Variants in KLHL40 observed in about 807,000 individuals in gnomAD.
The protein encoded by KLHL40 is kelch like family member 40.
A neutral mutation model predicts 49.7 loss-of-function variants in KLHL40; 44 were observed. The ratio of observed to expected loss-of-function variants is 0.89; its 90% CI spans 0.70 to 1.14. The LOEUF (loss-of-function observed/expected upper bound fraction) is 1.14, where lower values mean the gene tolerates loss of function less well. KLHL40 is among the 50% of genes most tolerant of loss of function. The probability of loss-of-function intolerance (pLI) is 0.00; values close to 1 mark genes in which losing one functional copy is unlikely to be tolerated. For synonymous variants in KLHL40, 409 were observed against 365.2 expected (o/e 1.12, Z -1.37); for missense variants, 892 against 850.3 (o/e 1.05, Z -0.61).
chr3:42,692,135 C>G lies in KLHL40; in HGVS notation c.*142C>G. The G allele has an allele frequency of 1.6e-6, 1 of 630,662 alleles. No homozygotes were observed. The highest frequency in any genetic ancestry group is 1.9e-5 in the South Asian group (1 of 53,402). 39.1% of individuals were successfully genotyped at this position (630,662 alleles called of 1,614,324 possible). Reference sequence around the variant, plus strand: ...ATGGTGCCTCAGGGGCTGCGTCAGCCAAGGAAAGGGAAGTGCTGCTTAGTC... The same window carrying G: ...ATGGTGCCTCAGGGGCTGCGTCAGCGAAGGAAAGGGAAGTGCTGCTTAGTC... On this transcript the variant is annotated 3_prime_UTR_variant, in exon 6 of 6. Transcript: ENST00000287777.
chr3:42,688,226 T>A lies in KLHL40; in HGVS notation c.1237T>A (p.Ser413Thr). The change falls in exon 2 of 6, where the codon TCC (serine) becomes ACC (threonine). Residue 413 changes from serine (S) to threonine (T), a missense_variant. Transcript: ENST00000287777. The surrounding 1 kb of genome is among the most constrained non-coding windows in gnomAD (Gnocchi z 4.2). ...CTTTGGCCTGGGAGAAGCTCTCAACTCCATCTACGTGGTCGGTGGCAGAGA... is the reference window on the plus strand; with the variant it reads ...CTTTGGCCTGGGAGAAGCTCTCAACACCATCTACGTGGTCGGTGGCAGAGA... ...CLFGLGEALN[S>T]IYVVGGREIK... 6.2e-7 allele frequency: 1 copy of A among 1,613,920 alleles called. No individual in the cohort carries two copies. Among genetic ancestry groups the A allele is most frequent in the East Asian group, 2.2e-5 (1 of 44,850 alleles).
rs764839928 is a variant in KLHL40, at chr3:42,685,843, G to A, written c.225G>A (p.Glu75=). The A allele has an allele frequency of 4.3e-6, 7 of 1,613,234 alleles. No homozygotes were observed. Among genetic ancestry groups the A allele is most frequent in the Non-Finnish European group, 5.9e-6 (7 of 1,179,954 alleles). The change falls in exon 1 of 6, where the codon GAG becomes GAA. Residue 75 remains glutamate (E), a synonymous_variant. Transcript: ENST00000287777. ...AGCGCGCGGGCGAGCTGCACCTGGAGGAGGTGTCCCCGGACGTGGTGGCCC... is the reference window on the plus strand; with the variant it reads ...AGCGCGCGGGCGAGCTGCACCTGGAAGAGGTGTCCCCGGACGTGGTGGCCC... ...EPERAGELHL[E]EVSPDVVAQV...
In KLHL40 at chr3:42,686,204, G is replaced by A. The variant is rs1178836413; in HGVS notation, c.586G>A (p.Glu196Lys). Reference protein sequence around the residue: ...LNVEKEEAVFEAVMRWAGSGD... With the variant: ...LNVEKEEAVFKAVMRWAGSGD... ...CGTGGAGAAGGAGGAGGCAGTGTTC[G>A]AGGCGGTGATGCGGTGGGCGGGTAG... The change falls in exon 1 of 6, where the codon GAG becomes AAG. Residue 196 changes from glutamate to lysine, a missense_variant. Coordinates refer to ENST00000287777, the MANE Select transcript of KLHL40 (RefSeq NM_152393.4). The A allele has an allele frequency of 3.1e-5, 48 of 1,570,914 alleles. No individual in the cohort carries two copies. Among genetic ancestry groups the A allele is most frequent in the Non-Finnish European group, 4.0e-5 (47 of 1,161,928 alleles).
chr3:42,689,056 T>C lies in KLHL40; in HGVS notation c.1607+2T>C. 6.2e-7 allele frequency: 1 copy of C among 1,606,044 alleles called. No homozygotes were observed. The highest frequency in any genetic ancestry group is 8.5e-7 in the Non-Finnish European group (1 of 1,173,958). On this transcript the variant is annotated splice_donor_variant, in intron 4 of 5. Coordinates refer to ENST00000287777, the MANE Select transcript of KLHL40 (RefSeq NM_152393.4). LOFTEE classifies it high-confidence loss of function. ...AGTGTACAGCATCACAGACAACAAGTATGAAAGCTTGTCCCTTCCGCCAAG... is the reference window on the plus strand; with the variant it reads ...AGTGTACAGCATCACAGACAACAAGCATGAAAGCTTGTCCCTTCCGCCAAG...
In KLHL40 at chr3:42,689,004, C is replaced by T. The variant is rs1314573843; in HGVS notation, c.1557C>T (p.Thr519=). The change falls in exon 4 of 6, where the codon ACC becomes ACT. Residue 519 remains threonine (T), a synonymous_variant. Transcript: ENST00000287777. ...GCATTATCGTGGCAGCTGGGGTCAC[C>T]GACACAGGGCTGACCAGTTCTGCCG... ...DGRIIVAAGV[T]DTGLTSSAEV... 15 of 1,614,020 alleles carry T rather than the reference C, an allele frequency of 9.3e-6. No individual in the cohort carries two copies. The highest frequency in any genetic ancestry group is 1.6e-4 in the Middle Eastern group (1 of 6,084).
In KLHL40 at chr3:42,685,752, C is replaced by G. The variant is rs1482725995; in HGVS notation, c.134C>G (p.Pro45Arg). 5.6e-6 allele frequency: 9 copies of G among 1,612,490 alleles called. No homozygotes were observed. Among genetic ancestry groups the G allele is most frequent in the Non-Finnish European group, 6.8e-6 (8 of 1,179,670 alleles). Residue 45 changes from proline to arginine, a missense_variant, in exon 1 of 6, where the codon CCG (proline) becomes CGG (arginine). Coordinates refer to ENST00000287777, the MANE Select transcript of KLHL40 (RefSeq NM_152393.4). ...CVVRAGEREF[P>R]CHRLVLAACS... Reference sequence around the variant, plus strand: ...GTGCGGGCGGGCGAGCGCGAGTTCCCGTGCCATCGCCTGGTGCTGGCCGCC... The same window carrying G: ...GTGCGGGCGGGCGAGCGCGAGTTCCGGTGCCATCGCCTGGTGCTGGCCGCC...
intron 5 of KLHL40, 44 bp from the exon 6 acceptor site, chr3:42,691,838 T>C: frequency 7.7e-7 from 1 of 1,301,840 alleles, no homozygotes; most frequent in South Asian, 1.2e-5. Flanking sequence ...TGGACTCAGC[T>C]GACCAAGCTC....
chr3:42,690,910 C>A lies in KLHL40; in HGVS notation c.1659C>A (p.Val553=), dbSNP rs1181456219. 1 of 1,613,728 alleles carries A rather than the reference C, an allele frequency of 6.2e-7. No homozygotes were observed. The highest frequency in any genetic ancestry group is 1.1e-5 in the South Asian group (1 of 91,054). Residue 553 remains valine, a synonymous_variant, in exon 5 of 6, where the codon GTC becomes GTA. Transcript: ENST00000287777. ...AGGAGCGTAGCTCACTCAGCCTGGT[C>A]AGCCTGGTGGGTACCCTCTATGCCA... is the stretch of plus-strand genomic sequence containing the variant. ...FPQERSSLSL[V]SLVGTLYAIG...
In KLHL40 at chr3:42,692,153, G is replaced by T; in HGVS notation, c.*160G>T. 1.6e-6 allele frequency: 1 copy of T among 610,134 alleles called. No individual in the cohort carries two copies. The highest frequency in any genetic ancestry group is 2.0e-5 in the South Asian group (1 of 51,156). The allele number at this position is 610,134 out of a possible 1,614,324, so 37.8% of individuals were successfully genotyped here. ...CGTCAGCCAAGGAAAGGGAAGTGCT[G>T]CTTAGTCCTGGACTTTTGGGCAAGG... On this transcript the variant is annotated 3_prime_UTR_variant, in exon 6 of 6. Coordinates refer to ENST00000287777, the MANE Select transcript of KLHL40 (RefSeq NM_152393.4).
At chr3:42,690,516 T>G (rs1167480296) in intron 4 of KLHL40, among the ~76,000 whole-genome samples, 1 of 151,984 alleles carries the variant, frequency 6.6e-6, no homozygotes, top group East Asian at 1.9e-4. Context: ...GCAAAAGGAC[T>G]GCGTCCAGGG....
Position 42,685,793 on chromosome 3 carries a change from C to A in KLHL40, c.175C>A (p.Arg59=). ...LVLAACSPYF[R]ARFLAEPERA... is the part of the protein sequence containing the mutation. Reference sequence around the variant, plus strand: ...GCTGGCCGCCTGCAGCCCCTACTTCCGGGCGCGCTTTCTAGCCGAGCCGGA... The same window carrying A: ...GCTGGCCGCCTGCAGCCCCTACTTCAGGGCGCGCTTTCTAGCCGAGCCGGA... Residue 59 remains arginine (R), a synonymous_variant, in exon 1 of 6, where the codon CGG becomes AGG. Transcript: ENST00000287777. 6.2e-7 allele frequency: 1 copy of A among 1,612,344 alleles called. No individual in the cohort carries two copies. The highest frequency in any genetic ancestry group is 8.5e-7 in the Non-Finnish European group (1 of 1,179,586).
rs907216548 is a variant in KLHL40, at chr3:42,685,743, G to A, written c.125G>A (p.Arg42His). The change falls in exon 1 of 6, where the codon CGC (arginine) becomes CAC (histidine). Residue 42 changes from arginine (R) to histidine (H), a missense_variant. Physicochemically the swap from Arg to His is conservative, Grantham distance 29. Coordinates refer to ENST00000287777, the MANE Select transcript of KLHL40 (RefSeq NM_152393.4). ...FLDCVVRAGE[R>H]EFPCHRLVLA... ...GACTGTGTGGTGCGGGCGGGCGAGC[G>A]CGAGTTCCCGTGCCATCGCCTGGTG... 8.7e-6 allele frequency: 14 copies of A among 1,612,668 alleles called. No individual in the cohort carries two copies. The African/African-American group carries it at 1.6e-4, about 18-fold the overall frequency.
rs1418801117 is a variant in KLHL40, at chr3:42,688,730, C to T, written c.1421+13C>T. 2 of 1,605,720 alleles carry T rather than the reference C, an allele frequency of 1.2e-6. No individual in the cohort carries two copies. The highest frequency in any genetic ancestry group is 2.7e-5 in the African/African-American group (2 of 74,716). On this transcript the variant is annotated intron_variant, in intron 3 of 5. Coordinates refer to ENST00000287777, the MANE Select transcript of KLHL40 (RefSeq NM_152393.4). The surrounding 1 kb of genome is among the most constrained non-coding windows in gnomAD (Gnocchi z 4.2). ...AAGGCAGTGACAGGTGAGGCTGGGCCTGGAGTGAGTCTGTGGAGCAGAGGT... is the reference window on the plus strand; with the variant it reads ...AAGGCAGTGACAGGTGAGGCTGGGCTTGGAGTGAGTCTGTGGAGCAGAGGT...
At position 42,686,705 on chromosome 3, in the gene KLHL40, G is replaced by C. The variant is rs368731768; in HGVS notation, c.1087G>C (p.Val363Leu). ...GGTTACCAAGGAGAACCAGGTCTTC[G>C]TGGCTGGAGGCCTCTTCTACAACGA... is the stretch of plus-strand genomic sequence containing the variant. ...SLVTKENQVFVAGGLFYNEDN... is the reference protein window; with the variant it reads ...SLVTKENQVFLAGGLFYNEDN... Residue 363 changes from valine to leucine, a missense_variant, in exon 1 of 6, where the codon GTG (valine) becomes CTG (leucine). Physicochemically the swap from Val to Leu is conservative, Grantham distance 32. Transcript: ENST00000287777. The C allele has an allele frequency of 1.2e-6, 2 of 1,613,410 alleles. No homozygotes were observed.
chr3:42,690,949 C>T lies in KLHL40; in HGVS notation c.1698C>T (p.Ala566=). Residue 566 remains alanine, a synonymous_variant, in exon 5 of 6, where the codon GCC becomes GCT. Coordinates refer to ENST00000287777, the MANE Select transcript of KLHL40 (RefSeq NM_152393.4). ...VGTLYAIGGF[A]TLETESGELV... is the part of the protein sequence containing the mutation. Reference sequence around the variant, plus strand: ...CCCTCTATGCCATTGGTGGCTTTGCCACACTGGAGACGGAGTCTGGAGAGC... The same window carrying T: ...CCCTCTATGCCATTGGTGGCTTTGCTACACTGGAGACGGAGTCTGGAGAGC... 6.2e-7 allele frequency: 1 copy of T among 1,613,694 alleles called. No individual in the cohort carries two copies. The highest frequency in any genetic ancestry group is 8.5e-7 in the Non-Finnish European group (1 of 1,179,736).
Position 42,691,972 on chromosome 3 carries a change from G to A in KLHL40, c.1845G>A (p.Val615=). The change falls in exon 6 of 6, where the codon GTG becomes GTA. Residue 615 remains valine, a synonymous_variant. Transcript: ENST00000287777. ...GATFLPVRLN[V]LCLTKM is the part of the protein sequence containing the mutation. ...CCTTCCTACCAGTGCGGCTCAATGTGCTGTGCCTGACTAAGATGTGACCAG... is the reference window on the plus strand; with the variant it reads ...CCTTCCTACCAGTGCGGCTCAATGTACTGTGCCTGACTAAGATGTGACCAG... 1 of 1,609,980 alleles carries A rather than the reference G, an allele frequency of 6.2e-7. No homozygotes were observed. The highest frequency in any genetic ancestry group is 8.5e-7 in the Non-Finnish European group (1 of 1,176,264).
In KLHL40 at chr3:42,690,896, T is replaced by C; in HGVS notation, c.1645T>C (p.Ser549Pro). The C allele has an allele frequency of 3.1e-6, 5 of 1,613,350 alleles. No individual in the cohort carries two copies. Among genetic ancestry groups the C allele is most frequent in the Non-Finnish European group, 4.2e-6 (5 of 1,179,612 alleles). Residue 549 changes from serine to proline, a missense_variant, in exon 5 of 6, where the codon TCA (serine) becomes CCA (proline). Ser to Pro is a moderately conservative substitution (Grantham distance 74, BLOSUM62 -1). Transcript: ENST00000287777. The stretch of plus-strand genomic sequence containing the variant: ...CGAGGCCTTCCCACAGGAGCGTAGC[T>C]CACTCAGCCTGGTCAGCCTGGTGGG... ...PFEAFPQERS[S>P]LSLVSLVGTL...
Position 42,686,664 on chromosome 3 carries a change from A to C in KLHL40, c.1046A>C (p.Lys349Thr), listed in dbSNP as rs1697278763. 2 of 1,613,830 alleles carry C rather than the reference A, an allele frequency of 1.2e-6. No homozygotes were observed. Among genetic ancestry groups the C allele is most frequent in the Non-Finnish European group, 1.7e-6 (2 of 1,180,038 alleles). Residue 349 changes from lysine to threonine, a missense_variant, in exon 1 of 6, where the codon AAG becomes ACG. Transcript: ENST00000287777. ...GCTTCCCTCTCCAACCAGGTCCCCAAGAACCACGTCAGCCTGGTTACCAAG... is the reference window on the plus strand; with the variant it reads ...GCTTCCCTCTCCAACCAGGTCCCCACGAACCACGTCAGCCTGGTTACCAAG... ...YCASLSNQVP[K>T]NHVSLVTKEN...
rs1697313817 is a variant in KLHL40, at chr3:42,688,676, C to T, written c.1380C>T (p.His460=). The T allele has an allele frequency of 6.2e-7, 1 of 1,614,044 alleles. No homozygotes were observed. Among genetic ancestry groups the T allele is most frequent in the Non-Finnish European group, 8.5e-7 (1 of 1,179,980 alleles). ...TGTATGGCCACACAGTGCTCTCCCA[C>T]ATGGACCTTGTCTACGTAATTGGCG... is the stretch of plus-strand genomic sequence containing the variant. ...YVVYGHTVLS[H]MDLVYVIGGK... The change falls in exon 3 of 6, where the codon CAC becomes CAT. Residue 460 remains histidine (H), a synonymous_variant. Transcript: ENST00000287777. The surrounding 1 kb of genome is among the most constrained non-coding windows in gnomAD (Gnocchi z 4.2).
Sources: gnomAD v4.1 joint callset for allele counts (sites outside exome capture counted in the v4.1 genomes callset) on GRCh38, gnomAD v4.1.1 for gene constraint, Gnocchi (gnomAD v3.1) non-coding constraint, MANE v1.5 for transcripts, NCBI Gene and HGNC (gene_info 2026-07-23, HGNC 2026-07-21) for gene names.